Variants in IL1RAPL1 observed in about 807,000 individuals in gnomAD.
The protein encoded by IL1RAPL1 is interleukin 1 receptor accessory protein like 1.
IL1RAPL1 carries 3 observed loss-of-function variants against 48.4 expected under a neutral mutation model. That is an observed-to-expected ratio of 0.06 (90% confidence interval 0.03 to 0.16). The LOEUF (loss-of-function observed/expected upper bound fraction) is 0.16, where lower values mean the gene tolerates loss of function less well. Ranked by LOEUF, IL1RAPL1 falls within the 10% of genes least tolerant of loss-of-function variation. The pLI, the probability that IL1RAPL1 is intolerant of heterozygous loss-of-function variation, is 1.00. For missense variants in IL1RAPL1, 349 were observed against 530.6 expected (o/e 0.66, Z 3.36); for synonymous variants, 185 against 187.7 (o/e 0.99, Z 0.12).
At chrX:29,763,043 G>GT (rs1281039315) in intron 6 of IL1RAPL1, among the ~76,000 whole-genome samples, 33 of 105,845 alleles carry the variant, frequency 3.1e-4, no homozygotes, top group Non-Finnish European at 5.8e-4. Context: ...ATAAGAAAAA[G>GT]TTTTTTGTTT....
chrX:29,252,161 T>C (rs1317922555), intron 2 of IL1RAPL1, among the ~76,000 whole-genome samples: 1 of 112,728 alleles, frequency 8.9e-6, no homozygotes, highest in Non-Finnish European at 1.9e-5. Context: ...ATATACCTAA[T>C]GCTAGATGAC....
intron 5 of IL1RAPL1, among the ~76,000 whole-genome samples, chrX:29,467,812 C>T (rs781446669): frequency 8.9e-5 from 10 of 111,939 alleles, no homozygotes; most frequent in Non-Finnish European, 1.9e-4. Context: ...GAAATCTCAC[C>T]ATGGGGAATG....
At chrX:29,185,789 TAAAG>T (rs771787354) in intron 2 of IL1RAPL1, among the ~76,000 whole-genome samples, 1 of 110,650 alleles carries the variant, frequency 9.0e-6, no homozygotes, top group African/African-American at 3.3e-5. Context: ...AATAGGTTTA[TAAAG>T]AAAGCAGAAA....
intron 2 of IL1RAPL1, among the ~76,000 whole-genome samples, chrX:28,964,991 A>G (rs899204886): frequency 9.0e-6 from 1 of 111,121 alleles, no homozygotes; most frequent in African/African-American, 3.3e-5. Flanking sequence ...GGCTTTGTAT[A>G]CTCTCCACTT....
intron 1 of IL1RAPL1, among the ~76,000 whole-genome samples, chrX:28,724,425 T>G (rs1204861748): frequency 9.0e-6 from 1 of 111,121 alleles, no homozygotes; most frequent in Non-Finnish European, 1.9e-5. Flanking sequence ...ACCCCTGCCT[T>G]TTTTTTGTTT....
At chrX:28,807,534 TA>T (rs1936746125) in intron 2 of IL1RAPL1, among the ~76,000 whole-genome samples, 1 of 111,622 alleles carries the variant, frequency 9.0e-6, no homozygotes, top group Admixed American at 9.6e-5. Context: ...TTTGTGCAGT[TA>T]TTTTAATTTT....
intron 3 of IL1RAPL1, among the ~76,000 whole-genome samples, chrX:29,367,066 T>A (rs1157600134): frequency 9.0e-6 from 1 of 111,668 alleles, no homozygotes; most frequent in African/African-American, 3.3e-5. Context: ...TATCTTAACA[T>A]ATATTGTTTA....
chrX:28,809,973 G>A, intron 2 of IL1RAPL1, among the ~76,000 whole-genome samples: 1 of 108,136 alleles, frequency 9.2e-6, no homozygotes, highest in African/African-American at 3.3e-5. Context: ...ATATGTAAGG[G>A]ATATATACCA....
chrX:29,193,832 T>G (rs983781899), intron 2 of IL1RAPL1, among the ~76,000 whole-genome samples: 1 of 111,988 alleles, frequency 8.9e-6, no homozygotes, highest in African/African-American at 3.2e-5. Context: ...AATGTCAATT[T>G]CCTAGTTTTG....
At chrX:29,477,954 C>T (rs762330049) in intron 5 of IL1RAPL1, among the ~76,000 whole-genome samples, 1 of 112,252 alleles carries the variant, frequency 8.9e-6, no homozygotes, top group Non-Finnish European at 1.9e-5. Context: ...AAGTAATTCA[C>T]AGAAGAAATA....
At chrX:28,596,135 G>A (rs1933952396) in intron 1 of IL1RAPL1, among the ~76,000 whole-genome samples, 1 of 111,626 alleles carries the variant, frequency 9.0e-6, no homozygotes, top group Admixed American at 9.5e-5. Context: ...CATTACACAA[G>A]CAAACGCTTA....
chrX:29,796,550 T>TTGTGAGTTCTACC (rs1287773301), intron 6 of IL1RAPL1, among the ~76,000 whole-genome samples: 6 of 111,969 alleles, frequency 5.4e-5, no homozygotes, highest in Non-Finnish European at 9.4e-5. Context: ...TCATCATTTC[T>TTGTGAGTTCTACC]TGTGAGTTCT....
intron 6 of IL1RAPL1, among the ~76,000 whole-genome samples, chrX:29,747,099 G>A (rs957032791): frequency 8.0e-5 from 9 of 112,266 alleles, no homozygotes; most frequent in African/African-American, 2.9e-4. Context: ...CTGAGTTGAG[G>A]TAATTCAGGA....
chrX:28,719,862 A>G (rs1283193750), intron 1 of IL1RAPL1, among the ~76,000 whole-genome samples: 1 of 110,818 alleles, frequency 9.0e-6, no homozygotes, highest in Admixed American at 9.7e-5. Context: ...GGAATGGGGG[A>G]TGGAGTAATT....
chrX:28,999,774 A>C (rs1189990442), intron 2 of IL1RAPL1, among the ~76,000 whole-genome samples: 1 of 111,706 alleles, frequency 9.0e-6, no homozygotes, highest in Non-Finnish European at 1.9e-5. Flanking sequence ...ATCTTAGACT[A>C]CTTACTTAAA....
At chrX:29,157,270 T>C (rs1449026192) in intron 2 of IL1RAPL1, among the ~76,000 whole-genome samples, 1 of 111,525 alleles carries the variant, frequency 9.0e-6, no homozygotes, top group Non-Finnish European at 1.9e-5. Flanking sequence ...GTTCCTTTTA[T>C]TGAAAGAAGA....
At chrX:29,282,182 A>G (rs187884299) in intron 2 of IL1RAPL1, among the ~76,000 whole-genome samples, 1 of 112,275 alleles carries the variant, frequency 8.9e-6, no homozygotes, top group Admixed American at 9.4e-5. Flanking sequence ...CATTCAGTCT[A>G]TAGCAAAAGA....
At chrX:29,265,097 G>A (rs933226973) in intron 2 of IL1RAPL1, among the ~76,000 whole-genome samples, 3 of 110,431 alleles carry the variant, frequency 2.7e-5, no homozygotes, top group Non-Finnish European at 5.7e-5. Context: ...TATTTTAGAA[G>A]AGTCGGAATT....
intron 2 of IL1RAPL1, among the ~76,000 whole-genome samples, chrX:28,984,762 C>A (rs188960213): frequency 8.0e-5 from 9 of 111,863 alleles, no homozygotes; most frequent in Admixed American, 7.6e-4. Flanking sequence ...AAGAGACTTG[C>A]TATCCGTCAC....
Sources: allele counts gnomAD v4.1 joint callset (sites outside exome capture counted in the v4.1 genomes callset), GRCh38; gene constraint gnomAD v4.1.1; transcripts MANE v1.5; gene names NCBI Gene and HGNC (gene_info 2026-07-23, HGNC 2026-07-21).